ADAMTSL1: variants seen among roughly 807,000 people sequenced by gnomAD.
ADAMTSL1 encodes ADAMTS-like protein 1.
In ADAMTSL1, 126 loss-of-function variants were observed where a neutral mutation model predicts 201.8. The observed-to-expected ratio is 0.62, with a 90% CI of 0.54 to 0.72. The LOEUF (loss-of-function observed/expected upper bound fraction) is 0.72, where lower values mean the gene tolerates loss of function less well. Ranked by LOEUF, ADAMTSL1 falls within the 30% of genes least tolerant of loss-of-function variation. The pLI is 0.00. For synonymous variants in ADAMTSL1, 1,121 were observed against 903.4 expected, an observed-to-expected ratio of 1.24 and a Z score of -4.32; for missense variants, 2,679 against 2,277.8, an observed-to-expected ratio of 1.18 and a Z score of -3.59.
intron 2 of ADAMTSL1, among the ~76,000 whole-genome samples, chr9:18,396,359 A>G (rs1817752599): frequency 6.6e-6 from 1 of 152,100 alleles, no homozygotes; most frequent in Non-Finnish European, 1.5e-5. Flanking sequence ...GAAGTTTGCT[A>G]TTAATCCATA....
At chr9:18,003,200 C>T (rs187724463) in intron 1 of ADAMTSL1, among the ~76,000 whole-genome samples, 3 of 152,086 alleles carry the variant, frequency 2.0e-5, no homozygotes, top group African/African-American at 7.2e-5. Flanking sequence ...TTCCCAGTTC[C>T]ACGCTGACTC....
chr9:18,784,887 G>A (rs909486775), intron 19 of ADAMTSL1, among the ~76,000 whole-genome samples: 5 of 152,310 alleles, frequency 3.3e-5, no homozygotes, highest in Admixed American at 6.5e-5. Flanking sequence ...GAGCTGGGGT[G>A]AGGCGCGGTG....
At chr9:17,967,754 C>G (rs184735831) in intron 1 of ADAMTSL1, among the ~76,000 whole-genome samples, 5 of 151,980 alleles carry the variant, frequency 3.3e-5, no homozygotes, top group Non-Finnish European at 7.4e-5. Flanking sequence ...ATGGTAACTG[C>G]TTTTCTGAAA....
chr9:18,405,585 G>A (rs1035280582), intron 2 of ADAMTSL1, among the ~76,000 whole-genome samples: 3 of 148,814 alleles, frequency 2.0e-5, no homozygotes, highest in African/African-American at 5.0e-5. Flanking sequence ...GTTCCTGCAA[G>A]TTTTCTCTTT....
chr9:18,511,871 A>G (rs752915722), intron 2 of ADAMTSL1, among the ~76,000 whole-genome samples: 1 of 152,150 alleles, frequency 6.6e-6, no homozygotes, highest in Admixed American at 6.5e-5. Context: ...AAGACATCTC[A>G]TCTCTATCAT....
intron 1 of ADAMTSL1, among the ~76,000 whole-genome samples, chr9:18,029,466 C>G (rs1359068226): frequency 6.6e-6 from 1 of 152,140 alleles, no homozygotes; most frequent in Non-Finnish European, 1.5e-5. Context: ...CTAGGCAATA[C>G]CATTCAGGAC....
intron 3 of ADAMTSL1, among the ~76,000 whole-genome samples, chr9:18,541,808 G>A (rs1587507895): frequency 6.6e-6 from 1 of 152,176 alleles, no homozygotes; most frequent in Admixed American, 6.5e-5. Context: ...AACAAATGGA[G>A]GATGGCTGGT....
chr9:18,522,972 G>C (rs575115909), intron 2 of ADAMTSL1, among the ~76,000 whole-genome samples: 13 of 152,204 alleles, frequency 8.5e-5, no homozygotes, highest in African/African-American at 3.1e-4. Flanking sequence ...GGGATGGCTG[G>C]GTCAAATGGT....
chr9:18,266,252 C>T (rs1832113494), intron 2 of ADAMTSL1, among the ~76,000 whole-genome samples: 1 of 152,172 alleles, frequency 6.6e-6, no homozygotes, highest in African/African-American at 2.4e-5. Context: ...CCTAGGTGAA[C>T]TGTGGTTTGG....
intron 3 of ADAMTSL1, among the ~76,000 whole-genome samples, chr9:18,568,098 T>TAAAACCCCAG (rs1329352352): frequency 6.6e-6 from 1 of 152,170 alleles, no homozygotes; most frequent in Non-Finnish European, 1.5e-5. Context: ...TGTGTGTAAC[T>TAAAACCCCAG]AAAACCCCAG....
In ADAMTSL1 at chr9:18,093,279, AT is replaced by A. The variant is rs556420550; in HGVS notation, c.88-70581del. ...TTAAAAATCAGAAATTTTTCTTTGA[AT>A]TCTTAGCCCTGTATTTTCTTTATCC... On this transcript the variant is annotated intron_variant, in intron 1 of 29. Transcript: ENST00000680146. Among the ~76,000 whole-genome samples the A allele has an allele frequency of 1.0e-3, 155 of 152,264 alleles. 1 individual carries two copies. The highest frequency in any genetic ancestry group is 3.7e-3 in the African/African-American group (153 of 41,524).
chr9:18,405,345 T>C (rs1473706644), intron 2 of ADAMTSL1, among the ~76,000 whole-genome samples: 1 of 152,180 alleles, frequency 6.6e-6, no homozygotes, highest in Non-Finnish European at 1.5e-5. Flanking sequence ...CTAAGTTGTC[T>C]CCAGACCATG....
chr9:18,596,230 T>A (rs1218339154), intron 4 of ADAMTSL1, among the ~76,000 whole-genome samples: 1 of 152,226 alleles, frequency 6.6e-6, no homozygotes, highest in Non-Finnish European at 1.5e-5. Context: ...GTAAGTGTTA[T>A]ACCATCATGT....
intron 2 of ADAMTSL1, among the ~76,000 whole-genome samples, chr9:18,253,772 A>G (rs1172349446): frequency 6.6e-6 from 1 of 152,162 alleles, no homozygotes; most frequent in African/African-American, 2.4e-5. Flanking sequence ...GAGCAGCCCC[A>G]TAATTTCCGG....
Position 18,829,993 on chromosome 9 carries a change from G to C in ADAMTSL1, c.4249+16G>C, listed in dbSNP as rs374723427. On this transcript the variant is annotated intron_variant, in intron 23 of 28. Coordinates refer to ENST00000380548, the MANE Select transcript of ADAMTSL1 (RefSeq NM_001040272.6). ...GCTCTCCTTGGTGAGTCTAACCCTC[G>C]GAAACATTGGGCAGAAAGCCAGGAC... 1 of 1,593,764 alleles carries C rather than the reference G, an allele frequency of 6.3e-7. No individual in the cohort carries two copies. The highest frequency in any genetic ancestry group is 1.1e-5 in the South Asian group (1 of 87,948).
intron 15 of ADAMTSL1, among the ~76,000 whole-genome samples, chr9:18,746,471 T>A (rs1435988596): frequency 6.6e-6 from 1 of 152,296 alleles, no homozygotes; most frequent in East Asian, 1.9e-4. Context: ...GGCAGAAATG[T>A]CACACAAGTT....
intron 2 of ADAMTSL1, among the ~76,000 whole-genome samples, chr9:18,374,333 T>A (rs141059398): frequency 9.9e-5 from 15 of 151,670 alleles, no homozygotes; most frequent in South Asian, 6.2e-4. Context: ...TAATTTTTTT[T>A]AATTTTTTTT....
chr9:18,464,691 C>A (rs1470992323), intron 2 of ADAMTSL1, among the ~76,000 whole-genome samples: 2 of 152,174 alleles, frequency 1.3e-5, no homozygotes, highest in Non-Finnish European at 2.9e-5. Context: ...TGGTTCATAG[C>A]CAATTTCCTT....
intron 9 of ADAMTSL1, among the ~76,000 whole-genome samples, chr9:18,673,475 T>C (rs1450121411): frequency 6.6e-6 from 1 of 152,250 alleles, no homozygotes; most frequent in African/African-American, 2.4e-5. Context: ...AGAAGACAAA[T>C]ATAGCTATAG....
Sources: gnomAD v4.1 joint callset for allele counts (sites outside exome capture counted in the v4.1 genomes callset) on GRCh38, gnomAD v4.1.1 for gene constraint, MANE v1.5 for transcripts, NCBI Gene and HGNC (gene_info 2026-07-23, HGNC 2026-07-21) for gene names.